ANO4: variants seen among roughly 807,000 people sequenced by gnomAD.
The protein encoded by ANO4 is anoctamin 4.
In ANO4, 69 loss-of-function variants were observed where a neutral mutation model predicts 141.9. The observed-to-expected ratio is 0.49, with a 90% CI of 0.40 to 0.59. ANO4 has a LOEUF of 0.59. Among genes scored for constraint, ANO4 ranks in the 20% least tolerant of loss-of-function variants. The pLI, the probability that ANO4 is intolerant of heterozygous loss-of-function variation, is 0.00. For missense variants in ANO4, 894 were observed against 1,162.2 expected (o/e 0.77, Z 3.36); for synonymous variants, 350 against 394.3 (o/e 0.89, Z 1.33).
intron 1 of ANO4, among the ~76,000 whole-genome samples, chr12:100,818,259 A>G (rs977206990): frequency 3.3e-5 from 5 of 151,942 alleles, no homozygotes; most frequent in African/African-American, 9.7e-5. Context: ...CTATAGTTTT[A>G]AAAAAGTGAA....
intron 3 of ANO4, among the ~76,000 whole-genome samples, chr12:100,763,086 C>T (rs139279378): frequency 1.3e-5 from 2 of 152,298 alleles, no homozygotes; most frequent in Non-Finnish European, 2.9e-5. Flanking sequence ...CCAGCGTTGT[C>T]TGGTTATAGT....
At chr12:100,829,245 G>T (rs2135765975) in intron 1 of ANO4, among the ~76,000 whole-genome samples, 1 of 152,090 alleles carries the variant, frequency 6.6e-6, no homozygotes, top group East Asian at 1.9e-4. Flanking sequence ...CTGCTTATTA[G>T]GTGGGTAACT....
intron 8 of ANO4, among the ~76,000 whole-genome samples, chr12:101,018,253 G>A (rs893606561): frequency 6.6e-6 from 1 of 152,146 alleles, no homozygotes; most frequent in Non-Finnish European, 1.5e-5. Flanking sequence ...TGAGACTCTC[G>A]GTTTTCTCCT....
chr12:100,929,444 A>G (rs2042003897), intron 3 of ANO4, among the ~76,000 whole-genome samples: 2 of 152,106 alleles, frequency 1.3e-5, no homozygotes, highest in Non-Finnish European at 1.5e-5. Context: ...CAAATGACAG[A>G]ATCTCATATT....
chr12:100,953,139 CAT>C (rs1176772794), intron 5 of ANO4, among the ~76,000 whole-genome samples: 1 of 152,224 alleles, frequency 6.6e-6, no homozygotes, highest in Non-Finnish European at 1.5e-5. Context: ...TTATGTGCCA[CAT>C]GTGGGCATTG....
intron 1 of ANO4, among the ~76,000 whole-genome samples, chr12:100,732,462 A>G (rs1284167462): frequency 6.6e-6 from 1 of 152,074 alleles, no homozygotes; most frequent in Non-Finnish European, 1.5e-5. Context: ...TGTATACTTT[A>G]TATAACAATC....
At chr12:101,046,546 T>C (rs2047638923) in intron 13 of ANO4, among the ~76,000 whole-genome samples, 1 of 152,198 alleles carries the variant, frequency 6.6e-6, no homozygotes, top group Non-Finnish European at 1.5e-5. Context: ...CCATCTCCCC[T>C]GAGGTTTCTC....
At chr12:100,895,116 A>T (rs2040287378) in intron 1 of ANO4, among the ~76,000 whole-genome samples, 2 of 151,228 alleles carry the variant, frequency 1.3e-5, no homozygotes, top group Admixed American at 1.3e-4. Flanking sequence ...GCAGTTAAAG[A>T]GGAAACTCGA....
At position 100,876,152 on chromosome 12, in the gene ANO4, T is replaced by C. The variant is rs140726354; in HGVS notation, c.-140-25494T>C. ...ATTTTTCGCCAGGCCCTACAAATTA[T>C]GTAGCTTGTCCTGGGAGGAATTCTT... On this transcript the variant is annotated intron_variant, in intron 1 of 27. Coordinates refer to ENST00000392977, the MANE Select transcript of ANO4 (RefSeq NM_001286615.2). Among the ~76,000 whole-genome samples, 252 of 152,168 alleles carry C rather than the reference T, an allele frequency of 1.7e-3. 1 individual carries two copies. Among genetic ancestry groups the C allele is most frequent in the Non-Finnish European group, 1.4e-3 (95 of 67,994 alleles).
chr12:100,746,101 G>T (rs180892195), intron 3 of ANO4, among the ~76,000 whole-genome samples: 1 of 152,252 alleles, frequency 6.6e-6, no homozygotes, highest in Non-Finnish European at 1.5e-5. Context: ...GAAAAAGACT[G>T]GGAAAAATGT....
At chr12:101,096,491 G>C in intron 18 of ANO4, 45 bp from the exon 19 acceptor site, 1 of 1,439,896 alleles carries the variant, frequency 6.9e-7, no homozygotes, top group Non-Finnish European at 9.8e-7. Flanking sequence ...AGTTGAGAGG[G>C]GATGAGATTC....
chr12:101,039,041 A>G (rs2047312419), intron 10 of ANO4: 1 of 152,212 alleles, frequency 6.6e-6, no homozygotes, highest in Admixed American at 6.5e-5. Context: ...AAAAACATGC[A>G]CTTCTCTGGC....
intron 1 of ANO4, among the ~76,000 whole-genome samples, chr12:100,732,779 C>T (rs1465320247): frequency 6.6e-6 from 1 of 152,196 alleles, no homozygotes; most frequent in Non-Finnish European, 1.5e-5. Context: ...GCACGGCACT[C>T]AGCCACCTGG....
chr12:100,927,886 A>C (rs1348514633), intron 3 of ANO4, among the ~76,000 whole-genome samples: 1 of 152,140 alleles, frequency 6.6e-6, no homozygotes, highest in Non-Finnish European at 1.5e-5. Context: ...TGAAGGAAAG[A>C]GGGCACAAGA....
chr12:100,854,411 A>T (rs1351126518), intron 1 of ANO4, among the ~76,000 whole-genome samples: 1 of 151,994 alleles, frequency 6.6e-6, no homozygotes, highest in Non-Finnish European at 1.5e-5. Flanking sequence ...TTTTCCTTCT[A>T]TTATGGAAAG....
At chr12:101,087,794 G>A (rs75890370) in intron 17 of ANO4, among the ~76,000 whole-genome samples, 7 of 152,192 alleles carry the variant, frequency 4.6e-5, no homozygotes, top group Non-Finnish European at 7.4e-5. Context: ...ACTAAAAGTC[G>A]TGGCATTCTA....
In ANO4 at chr12:100,877,506, CT is replaced by C. The variant is rs899754281; in HGVS notation, c.-140-24128del. Among the ~76,000 whole-genome samples, 460 of 143,760 alleles carry C rather than the reference CT, an allele frequency of 3.2e-3. 3 individuals carry two copies. The highest frequency in any genetic ancestry group is 4.9e-3 in the Non-Finnish European group (320 of 65,454). 94.3% of individuals were successfully genotyped at this position (143,760 alleles called of 152,430 possible). A position where few individuals can be genotyped will look rare whatever the true frequency, so the allele number is the denominator to read the frequency against. On this transcript the variant is annotated intron_variant, in intron 1 of 27. Transcript: ENST00000392977. ...TTTGGGGTTGGTTCTAGACCACGTG[CT>C]TTTTTTTTTTTCTTAATGGAATATG...
chr12:101,004,989 C>G (rs185799186), intron 8 of ANO4, among the ~76,000 whole-genome samples: 28 of 152,226 alleles, frequency 1.8e-4, no homozygotes, highest in Non-Finnish European at 3.8e-4. Context: ...CTTTGCTGCT[C>G]CCAGCAATAT....
chr12:100,750,727 A>C (rs1039288279), intron 3 of ANO4, among the ~76,000 whole-genome samples: 3 of 152,156 alleles, frequency 2.0e-5, no homozygotes, highest in Non-Finnish European at 4.4e-5. Flanking sequence ...CTGTTACAGG[A>C]ATATTATTTG....
Sources: gnomAD v4.1 joint callset for allele counts (sites outside exome capture counted in the v4.1 genomes callset) on GRCh38, gnomAD v4.1.1 for gene constraint, MANE v1.5 for transcripts, NCBI Gene and HGNC (gene_info 2026-07-23, HGNC 2026-07-21) for gene names.